The following QTGAL variants were observed in gnomAD, a reference collection of about 807,000 sequenced individuals.
QTGAL encodes the protein BGnT-like protein 1.
chr17:82,957,254 G>T, the QTGAL span: 1 of 1,614,144 alleles, frequency 6.2e-7, no homozygotes, highest in Non-Finnish European at 8.5e-7. Context: ...CACCACCTGG[G>T]GACAAGCACA....
At chr17:83,010,347 G>GGCA in the QTGAL span, among the ~76,000 whole-genome samples, 4 of 152,188 alleles carry the variant, frequency 2.6e-5, no homozygotes, top group African/African-American at 9.7e-5. Flanking sequence ...AGAGCCCGGA[G>GGCA]GCAGCCGTCC....
At chr17:82,961,211 T>TG in the QTGAL span, 3 of 1,596,596 alleles carry the variant, frequency 1.9e-6, no homozygotes, top group Non-Finnish European at 2.6e-6. Context: ...GAGGCATCAC[T>TG]GGGGCCCCAG....
At chr17:83,025,166 G>GAA in the QTGAL span, among the ~76,000 whole-genome samples, 1 of 95,994 alleles carries the variant, frequency 1.0e-5, no homozygotes, top group Admixed American at 9.9e-5. Flanking sequence ...CAGACACCGC[G>GAA]GAGTCCACAC....
At chr17:82,997,350 T>A in the QTGAL span, among the ~76,000 whole-genome samples, 1 of 152,194 alleles carries the variant, frequency 6.6e-6, no homozygotes, top group African/African-American at 2.4e-5. Flanking sequence ...CTCATTCCAG[T>A]TAAAATGGCT....
chr17:82,965,904 C>T, the QTGAL span, among the ~76,000 whole-genome samples: 2 of 152,126 alleles, frequency 1.3e-5, no homozygotes, highest in East Asian at 3.9e-4. Flanking sequence ...ACGGGGCCGA[C>T]GTGTCCCTTC....
the QTGAL span, chr17:83,035,116 A>C: frequency 6.2e-7 from 1 of 1,603,650 alleles, no homozygotes; most frequent in South Asian, 1.1e-5. Context: ...AAAAAAGAAG[A>C]GCAAAACTCT....
At chr17:83,014,487 C>G in the QTGAL span, 7 of 1,614,180 alleles carry the variant, frequency 4.3e-6, no homozygotes, top group Non-Finnish European at 5.9e-6. Context: ...CCTCGTGTTG[C>G]AGCCTCACCC....
the QTGAL span, among the ~76,000 whole-genome samples, chr17:82,973,631 A>G: frequency 6.6e-6 from 1 of 151,888 alleles, no homozygotes; most frequent in African/African-American, 2.4e-5. Context: ...CTCCTGGGAC[A>G]CAGGAGGGAA....
At chr17:82,953,267 T>C in the QTGAL span, among the ~76,000 whole-genome samples, 1 of 151,544 alleles carries the variant, frequency 6.6e-6, no homozygotes, top group East Asian at 1.9e-4. Flanking sequence ...ATTAACAAAA[T>C]AGACCACTAG....
chr17:82,955,283 TCA>T, the QTGAL span, among the ~76,000 whole-genome samples: 5 of 151,820 alleles, frequency 3.3e-5, no homozygotes, highest in Non-Finnish European at 5.9e-5. Context: ...AGAAAAAACC[TCA>T]TCAAAAAGTG....
At chr17:83,051,713 G>A in the QTGAL span, 3 of 1,476,062 alleles carry the variant, frequency 2.0e-6, no homozygotes, top group Admixed American at 4.6e-5. Flanking sequence ...TGCACGGCGG[G>A]GCACCCTCCC....
the QTGAL span, among the ~76,000 whole-genome samples, chr17:82,973,228 T>C: frequency 2.6e-5 from 4 of 151,384 alleles, no homozygotes; most frequent in Non-Finnish European, 5.9e-5. Context: ...GGAGACGCCC[T>C]GGTGGTCTGT....
At chr17:82,971,139 G>A in the QTGAL span, among the ~76,000 whole-genome samples, 4 of 152,146 alleles carry the variant, frequency 2.6e-5, no homozygotes, top group Non-Finnish European at 4.4e-5. Flanking sequence ...AAATTTCAAC[G>A]TTTCACGGGG....
At chr17:82,968,136 T>G in the QTGAL span, among the ~76,000 whole-genome samples, 1 of 152,084 alleles carries the variant, frequency 6.6e-6, no homozygotes, top group Non-Finnish European at 1.5e-5. Flanking sequence ...CACACGTCCA[T>G]CCGGCACCAT....
the QTGAL span, among the ~76,000 whole-genome samples, chr17:83,001,737 G>A: frequency 6.9e-6 from 1 of 145,566 alleles, no homozygotes; most frequent in East Asian, 2.0e-4. Flanking sequence ...TTGACTTTAT[G>A]AAACAGTGAA....
chr17:82,999,838 G>A, the QTGAL span, among the ~76,000 whole-genome samples: 2 of 152,190 alleles, frequency 1.3e-5, no homozygotes, highest in African/African-American at 2.4e-5. Context: ...AGCACCTCCA[G>A]CATTACCAGT....
At chr17:82,963,825 T>C in the QTGAL span, among the ~76,000 whole-genome samples, 1 of 152,072 alleles carries the variant, frequency 6.6e-6, no homozygotes, top group Non-Finnish European at 1.5e-5. Flanking sequence ...TGACTGGTGA[T>C]TGTACAGCCC....
chr17:82,950,249 C>T, the QTGAL span, among the ~76,000 whole-genome samples: 1 of 152,188 alleles, frequency 6.6e-6, no homozygotes, highest in African/African-American at 2.4e-5. Context: ...CCATGCTCAG[C>T]CGGCTCCCTG....
chr17:83,028,330 C>G, the QTGAL span, among the ~76,000 whole-genome samples: 1 of 151,408 alleles, frequency 6.6e-6, no homozygotes, highest in African/African-American at 2.4e-5. Flanking sequence ...CGAGACCATC[C>G]TGGCTAACAC....
Sources: allele counts gnomAD v4.1 joint callset (sites outside exome capture counted in the v4.1 genomes callset), GRCh38; gene constraint gnomAD v4.1.1; transcripts MANE v1.5; gene names NCBI Gene and HGNC (gene_info 2026-07-23, HGNC 2026-07-21).